The following SLC39A11 variants were observed in gnomAD, a reference collection of about 807,000 sequenced individuals.
SLC39A11 encodes solute carrier family 39 member 11.
Under a neutral mutation model 36.1 loss-of-function variants are expected in SLC39A11, and 33 were observed. That is an observed-to-expected ratio of 0.91 (90% CI 0.69 to 1.22). The LOEUF is 1.22. SLC39A11 is among the 50% of genes most tolerant of loss of function. SLC39A11 has a pLI of 0.00. For missense variants in SLC39A11, 432 were observed against 430.3 expected (o/e 1.00, Z -0.03); for synonymous variants, 166 against 170.3 (o/e 0.97, Z 0.20).
intron 5 of SLC39A11, among the ~76,000 whole-genome samples, chr17:72,863,530 C>G (rs189508700): frequency 6.6e-6 from 1 of 152,174 alleles, no homozygotes; most frequent in South Asian, 2.1e-4. Context: ...AATATCCCAC[C>G]CAGACACAGC....
chr17:73,082,305 C>A (rs1471163588), intron 3 of SLC39A11, among the ~76,000 whole-genome samples: 1 of 151,252 alleles, frequency 6.6e-6, no homozygotes, highest in Non-Finnish European at 1.5e-5. Context: ...TATAAGAAAC[C>A]ATTTTATAAT....
intron 6 of SLC39A11, among the ~76,000 whole-genome samples, chr17:72,794,945 A>G (rs1056568863): frequency 6.6e-6 from 1 of 152,128 alleles, no homozygotes; most frequent in African/African-American, 2.4e-5. Context: ...ACTGGATATG[A>G]GGGATGAATG....
chr17:72,736,192 C>T (rs577749142), intron 7 of SLC39A11, among the ~76,000 whole-genome samples: 3 of 152,196 alleles, frequency 2.0e-5, no homozygotes, highest in African/African-American at 7.2e-5. Context: ...GGGAACATCA[C>T]CTCTTAAGAA....
In SLC39A11 at chr17:72,649,223, C is replaced by G. The variant is rs746401362; in HGVS notation, c.717G>C (p.Leu239=). ...GIGIQNFPEG[L]AVSLPLRGAG... ...CCCCTCGCAAGGGAAGGCTGACAGC[C>G]AGGCCCTCGGGGAAATTCTGGATCC... is the stretch of plus-strand genomic sequence containing the variant. Residue 239 remains leucine (L), a synonymous_variant, in exon 8 of 10, where the codon CTG becomes CTC. Coordinates refer to ENST00000255559, the MANE Select transcript of SLC39A11 (RefSeq NM_139177.4). 3 of 1,614,122 alleles carry G rather than the reference C, an allele frequency of 1.9e-6. No homozygotes were observed. Among genetic ancestry groups the G allele is most frequent in the East Asian group, 4.5e-5 (2 of 44,898 alleles).
intron 6 of SLC39A11, among the ~76,000 whole-genome samples, chr17:72,825,982 T>C (rs1192883269): frequency 2.0e-5 from 3 of 152,160 alleles, no homozygotes; most frequent in African/African-American, 4.8e-5. Flanking sequence ...AGTTAAGACT[T>C]TGGGGACTGT....
chr17:72,660,537 C>T (rs997121595), intron 7 of SLC39A11, among the ~76,000 whole-genome samples: 3 of 152,142 alleles, frequency 2.0e-5, no homozygotes, highest in Admixed American at 6.5e-5. Flanking sequence ...GTACACATAC[C>T]GGGTTTTCTG....
intron 5 of SLC39A11, among the ~76,000 whole-genome samples, chr17:72,898,591 G>A (rs2082149471): frequency 6.6e-6 from 1 of 152,120 alleles, no homozygotes; most frequent in Non-Finnish European, 1.5e-5. Flanking sequence ...GAAAAAAAAA[G>A]ACACACACAC....
chr17:72,895,720 T>G (rs1361983190), intron 5 of SLC39A11, among the ~76,000 whole-genome samples: 1 of 152,200 alleles, frequency 6.6e-6, no homozygotes, highest in East Asian at 1.9e-4. Flanking sequence ...TAGTGAGTTC[T>G]CTATTTTTCT....
intron 6 of SLC39A11, among the ~76,000 whole-genome samples, chr17:72,782,319 C>T (rs1213124838): frequency 1.3e-5 from 2 of 152,264 alleles, no homozygotes; most frequent in East Asian, 1.9e-4. Context: ...AGGAACCAAC[C>T]CTGCAGGCAG....
intron 7 of SLC39A11, among the ~76,000 whole-genome samples, chr17:72,666,627 C>T (rs1461445472): frequency 1.3e-5 from 2 of 152,212 alleles, no homozygotes; most frequent in South Asian, 2.1e-4. Context: ...ATCCTTGGGG[C>T]ATGTGGCCCA....
rs150224980 is a variant in SLC39A11 at position 72,672,835 on chromosome 17, T to C, written c.672-23567A>G. ...AGGCTGATCTCCATAAACTGAACTC[T>C]GGGGCTCAAATGATTCTCTCACCTC... On this transcript the variant is annotated intron_variant, in intron 7 of 9. Coordinates refer to ENST00000255559, the MANE Select transcript of SLC39A11 (RefSeq NM_139177.4). Among the ~76,000 whole-genome samples the C allele has an allele frequency of 2.2e-3, 329 of 152,262 alleles. 2 individuals are homozygous for C. The highest frequency in any genetic ancestry group is 7.2e-3 in the African/African-American group (301 of 41,554).
intron 5 of SLC39A11, among the ~76,000 whole-genome samples, chr17:72,924,140 C>T (rs1319911023): frequency 9.7e-5 from 13 of 134,088 alleles, no homozygotes; most frequent in East Asian, 4.2e-4. Flanking sequence ...AGTGAGACCC[C>T]GTCTCAAAAA....
intron 7 of SLC39A11, among the ~76,000 whole-genome samples, chr17:72,682,052 C>A (rs1432239675): frequency 6.6e-6 from 1 of 152,016 alleles, no homozygotes; most frequent in Non-Finnish European, 1.5e-5. Flanking sequence ...ATCAGATCAG[C>A]GGCAGCATTA....
At chr17:72,854,804 G>A (rs1041835562) in intron 5 of SLC39A11, among the ~76,000 whole-genome samples, 1 of 152,160 alleles carries the variant, frequency 6.6e-6, no homozygotes, top group Non-Finnish European at 1.5e-5. Context: ...AAAGGGTGAG[G>A]ACGACAATAA....
intron 6 of SLC39A11, among the ~76,000 whole-genome samples, chr17:72,759,181 A>G (rs1209747692): frequency 6.6e-6 from 1 of 152,076 alleles, no homozygotes; most frequent in Non-Finnish European, 1.5e-5. Context: ...CAGATAGCAG[A>G]AAATGGCTGG....
chr17:72,900,011 AGAGAGAGAAAGAGAG>A (rs2082245676), intron 5 of SLC39A11, among the ~76,000 whole-genome samples: 1 of 134,476 alleles, frequency 7.4e-6, no homozygotes, highest in African/African-American at 3.6e-5. Context: ...AGAAAGAGAG[AGAGAGAGAAAGAGAG>A]AGAGAGAGAA....
chr17:72,728,599 A>G (rs1026673945), intron 7 of SLC39A11, among the ~76,000 whole-genome samples: 1 of 152,230 alleles, frequency 6.6e-6, no homozygotes, highest in African/African-American at 2.4e-5. Flanking sequence ...GGAGCCAAAG[A>G]CAATATGTAA....
intron 6 of SLC39A11, among the ~76,000 whole-genome samples, chr17:72,769,633 C>G (rs1371616921): frequency 6.6e-6 from 1 of 152,080 alleles, no homozygotes; most frequent in African/African-American, 2.4e-5. Context: ...CAACCTCCCC[C>G]TCCTGGGTTC....
intron 7 of SLC39A11, among the ~76,000 whole-genome samples, chr17:72,729,422 TATATATATATATA>T (rs2074078552): frequency 3.8e-4 from 1 of 2,608 alleles, no homozygotes; most frequent in African/African-American, 1.8e-3. Flanking sequence ...TATATATATA[TATATATATATATA>T]TATATATATA....
Sources: gnomAD v4.1 joint callset for allele counts (sites outside exome capture counted in the v4.1 genomes callset) on GRCh38, gnomAD v4.1.1 for gene constraint, MANE v1.5 for transcripts, NCBI Gene and HGNC (gene_info 2026-07-23, HGNC 2026-07-21) for gene names.